CHSY3: variants seen among roughly 807,000 people sequenced by gnomAD.
CHSY3 encodes the protein N-acetylgalactosaminyl-proteoglycan 3-beta-glucuronosyltransferase 3.
In CHSY3, 35 loss-of-function variants were observed where a neutral mutation model predicts 67.2. The observed-to-expected ratio is 0.52, with a 90% CI of 0.40 to 0.69. CHSY3 has a LOEUF of 0.69. Ranked by LOEUF, CHSY3 falls within the 30% of genes least tolerant of loss-of-function variation. CHSY3 has a pLI of 0.00. For missense variants in CHSY3, 1,069 were observed against 1,138.5 expected, an observed-to-expected ratio of 0.94 and a Z score of 0.88; for synonymous variants, 474 against 434.7, an observed-to-expected ratio of 1.09 and a Z score of -1.12.
At chr5:130,072,152 T>C (rs1485435487) in intron 2 of CHSY3, among the ~76,000 whole-genome samples, 1 of 152,090 alleles carries the variant, frequency 6.6e-6, no homozygotes. Flanking sequence ...CATGGTTGTC[T>C]CATCACATTG....
chr5:129,933,562 T>G (rs907885865), intron 2 of CHSY3, among the ~76,000 whole-genome samples: 95 of 152,282 alleles, frequency 6.2e-4, no homozygotes, highest in African/African-American at 2.2e-3. Flanking sequence ...GATCTTTTAG[T>G]CAAAGTAATG....
At chr5:130,108,675 T>C (rs985886255) in intron 2 of CHSY3, among the ~76,000 whole-genome samples, 3 of 151,722 alleles carry the variant, frequency 2.0e-5, no homozygotes, top group African/African-American at 7.2e-5. Context: ...TGGTTTTGAT[T>C]TTAAAATGTG....
At chr5:129,986,024 C>T (rs1047471048) in intron 2 of CHSY3, among the ~76,000 whole-genome samples, 12 of 152,050 alleles carry the variant, frequency 7.9e-5, no homozygotes, top group African/African-American at 2.9e-4. Flanking sequence ...CCTTTTATTT[C>T]TTTCTTTTGC....
chr5:129,905,584 A>G lies in CHSY3; in HGVS notation c.755A>G (p.Asp252Gly). ...MIKYMHDHYL[D>G]KYEWFMRADD... ...AAGTACATGCACGACCACTACCTGG[A>G]CAAGTATGAGTGGTTCATGCGCGCC... Residue 252 changes from aspartate (D) to glycine (G), a missense_variant, in exon 1 of 3, where the codon GAC becomes GGC. By Grantham distance (94) the Asp-to-Gly change is moderately conservative. Transcript: ENST00000305031. 5 of 1,613,816 alleles carry G rather than the reference A, an allele frequency of 3.1e-6. No individual in the cohort carries two copies. Among genetic ancestry groups the G allele is most frequent in the Non-Finnish European group, 4.2e-6 (5 of 1,180,020 alleles).
chr5:129,905,872 C>G (rs1439223886), intron 1 of CHSY3: 3 of 870,338 alleles, frequency 3.4e-6, no homozygotes, highest in African/African-American at 3.4e-5. Context: ...TCCTCACTTG[C>G]TGTTTTCGGT....
chr5:130,143,064 G>A (rs17165573), intron 2 of CHSY3, among the ~76,000 whole-genome samples: 3,515 of 152,212 alleles, frequency 0.023, 136 homozygotes, highest in African/African-American at 0.078. Flanking sequence ...TCACCATAGC[G>A]CATTGCTAGC....
chr5:130,050,648 T>C (rs1024512404), intron 2 of CHSY3, among the ~76,000 whole-genome samples: 3 of 152,136 alleles, frequency 2.0e-5, no homozygotes, highest in Non-Finnish European at 4.4e-5. Flanking sequence ...ACGTGGGCAC[T>C]GCAATCACAT....
chr5:130,137,012 T>G (rs1214797166), intron 2 of CHSY3, among the ~76,000 whole-genome samples: 1 of 152,170 alleles, frequency 6.6e-6, no homozygotes, highest in Non-Finnish European at 1.5e-5. Flanking sequence ...ATATCAGATG[T>G]TCAAAACTGT....
At chr5:130,072,223 C>T (rs909410832) in intron 2 of CHSY3, among the ~76,000 whole-genome samples, 37 of 152,042 alleles carry the variant, frequency 2.4e-4, no homozygotes, top group Non-Finnish European at 4.6e-4. Context: ...GAAATCATTG[C>T]CAAGAGCAAT....
At chr5:130,035,292 C>T (rs1764832796) in intron 2 of CHSY3, among the ~76,000 whole-genome samples, 1 of 151,946 alleles carries the variant, frequency 6.6e-6, no homozygotes, top group Non-Finnish European at 1.5e-5. Flanking sequence ...ATTTAGAACC[C>T]ATGGGATTTC....
chr5:130,027,683 C>T (rs751890192), intron 2 of CHSY3, among the ~76,000 whole-genome samples: 2 of 150,444 alleles, frequency 1.3e-5, no homozygotes, highest in African/African-American at 2.4e-5. Context: ...CAAGTGTTCT[C>T]ATTGTTCAAT....
intron 2 of CHSY3, among the ~76,000 whole-genome samples, chr5:130,089,017 A>C (rs1428556167): frequency 6.6e-6 from 1 of 152,046 alleles, no homozygotes; most frequent in African/African-American, 2.4e-5. Flanking sequence ...TGTGGCACAT[A>C]TACACCATGG....
chr5:130,023,929 A>G (rs1187182437), intron 2 of CHSY3, among the ~76,000 whole-genome samples: 2 of 151,146 alleles, frequency 1.3e-5, no homozygotes, highest in East Asian at 1.9e-4. Context: ...CGCCCCCCCA[A>G]TAGCTCTTCA....
chr5:130,044,127 T>C (rs957462588), intron 2 of CHSY3, among the ~76,000 whole-genome samples: 3 of 152,138 alleles, frequency 2.0e-5, no homozygotes, highest in South Asian at 2.1e-4. Flanking sequence ...ATAAGTTTAC[T>C]TGAAGAAGAA....
chr5:129,956,002 A>G (rs1427046267), intron 2 of CHSY3, among the ~76,000 whole-genome samples: 5 of 152,182 alleles, frequency 3.3e-5, no homozygotes, highest in Non-Finnish European at 7.3e-5. Context: ...CTACACATGT[A>G]TGTGTCTTTA....
chr5:129,980,047 C>G (rs1762938813), intron 2 of CHSY3, among the ~76,000 whole-genome samples: 1 of 152,174 alleles, frequency 6.6e-6, no homozygotes, highest in Admixed American at 6.5e-5. Context: ...AATAAAGCTG[C>G]TGTAATCATC....
intron 2 of CHSY3, among the ~76,000 whole-genome samples, chr5:130,043,891 T>A (rs1415323528): frequency 6.6e-6 from 1 of 152,144 alleles, no homozygotes; most frequent in Non-Finnish European, 1.5e-5. Flanking sequence ...ATTTTTTTTA[T>A]GTTGAAAAAC....
rs1760395539 is a variant in CHSY3 at position 129,908,294 on chromosome 5, T to C, written c.1020T>C (p.His340=). The part of the protein sequence containing the change: ...GECLREMYTT[H]EDVEVGRCVR... Reference sequence around the variant, plus strand: ...GCCTTAGAGAAATGTACACGACTCATGAGGATGTGGAAGTAGGAAGATGCG... The same window carrying C: ...GCCTTAGAGAAATGTACACGACTCACGAGGATGTGGAAGTAGGAAGATGCG... The change falls in exon 2 of 3, where the codon CAT becomes CAC. Residue 340 remains histidine, a synonymous_variant. Coordinates refer to ENST00000305031, the MANE Select transcript of CHSY3 (RefSeq NM_175856.5). 1.2e-6 allele frequency: 2 copies of C among 1,614,096 alleles called. No homozygotes were observed. Among genetic ancestry groups the C allele is most frequent in the Non-Finnish European group, 8.5e-7 (1 of 1,179,980 alleles).
At chr5:129,956,545 G>A (rs529218701) in intron 2 of CHSY3, among the ~76,000 whole-genome samples, 138 of 152,216 alleles carry the variant, frequency 9.1e-4, no homozygotes, top group Middle Eastern at 3.4e-3. Context: ...CTGTGCAGAA[G>A]CTCTTGTGTT....
Sources: gnomAD v4.1 joint callset for allele counts (sites outside exome capture counted in the v4.1 genomes callset) on GRCh38, gnomAD v4.1.1 for gene constraint, MANE v1.5 for transcripts, NCBI Gene and HGNC (gene_info 2026-07-23, HGNC 2026-07-21) for gene names.